The following SPINK5 variants were observed in gnomAD, a reference collection of about 807,000 sequenced individuals.
The protein encoded by SPINK5 is serine peptidase inhibitor Kazal type 5, also known as serine protease inhibitor Kazal-type 5.
In SPINK5, 125 loss-of-function variants were observed where a neutral mutation model predicts 151.8. That is an observed-to-expected ratio of 0.82 (90% CI 0.71 to 0.96). The LOEUF (loss-of-function observed/expected upper bound fraction) is 0.96, where lower values mean the gene tolerates loss of function less well. SPINK5 is among the 40% of genes least tolerant of loss of function. The probability of loss-of-function intolerance (pLI) is 0.00; values close to 1 mark genes in which losing one functional copy is unlikely to be tolerated. For synonymous variants in SPINK5, 374 were observed against 395.3 expected (o/e 0.95, Z 0.64); for missense variants, 1,194 against 1,291.9 (o/e 0.92, Z 1.16).
Position 148,112,671 on chromosome 5 carries a change from C to CA in SPINK5, c.1821-188dup, listed in dbSNP as rs199895847. Among the ~76,000 whole-genome samples, 11 of 125,272 alleles carry CA rather than the reference C, an allele frequency of 8.8e-5. No individual in the cohort carries two copies. In the East Asian group the frequency reaches 8.8e-4, roughly 10 times the overall value. The allele number at this position is 125,272 out of a possible 152,430, so 82.2% of individuals were successfully genotyped here. The stretch of plus-strand genomic sequence containing the variant: ...CTGGCAACAGAGTGAGACTCCATCT[C>CA]AAAAAAAAACCAAAAAACAAACAAA... On this transcript the variant is annotated intron_variant, in intron 19 of 32. Transcript: ENST00000256084.
chr5:148,064,196 G>A (rs1752517291), intron 1 of SPINK5, 97 bp downstream of exon 1: 14 of 1,235,118 alleles, frequency 1.1e-5, no homozygotes, highest in Admixed American at 1.7e-5. Context: ...AAATGTTTAC[G>A]TATGCATGTA....
In SPINK5 at chr5:148,105,887, G is replaced by A. The variant is rs1045254474; in HGVS notation, c.1479+887G>A. 3.3e-5 allele frequency among the ~76,000 whole-genome samples: 5 copies of A among 150,752 alleles called. No individual in the cohort carries two copies. In the Admixed American group the frequency reaches 3.3e-4, roughly 10 times the overall value. ...GATTCACTCACCTTGGCCTCCCAAA[G>A]TCCTGGGATTACAGGTGTGAGCCAC... On this transcript the variant is annotated intron_variant, in intron 16 of 32. Coordinates refer to ENST00000256084, the MANE Select transcript of SPINK5 (RefSeq NM_006846.4).
intron 7 of SPINK5, 44 bp downstream of exon 7, chr5:148,089,665 G>A: frequency 6.2e-7 from 1 of 1,610,552 alleles, no homozygotes; most frequent in Non-Finnish European, 8.5e-7. Context: ...TGATGCACTT[G>A]GTTGCTGTCC....
chr5:148,098,573 A>C (rs112909844), intron 11 of SPINK5, among the ~76,000 whole-genome samples: 2,046 of 152,054 alleles, frequency 0.013, 55 homozygotes, highest in African/African-American at 0.047. Flanking sequence ...CATATGGTTG[A>C]AATATCATCA....
chr5:148,094,395 G>A lies in SPINK5; in HGVS notation c.708G>A (p.Arg236=). ...ATGAAAAACAAGTGAGAAATGGAAG[G>A]CTTTTTTGTACACGGGAGAGTGATC... is the stretch of plus-strand genomic sequence containing the variant. ...KEYEKQVRNG[R]LFCTRESDPV... The change falls in exon 9 of 33, where the codon AGG becomes AGA. Residue 236 remains arginine, a synonymous_variant. Coordinates refer to ENST00000256084, the MANE Select transcript of SPINK5 (RefSeq NM_006846.4). 6.2e-7 allele frequency: 1 copy of A among 1,612,794 alleles called. No individual in the cohort carries two copies. The highest frequency in any genetic ancestry group is 8.5e-7 in the Non-Finnish European group (1 of 1,179,094).
chr5:148,077,655 A>G (rs1752919540), intron 4 of SPINK5, among the ~76,000 whole-genome samples: 1 of 148,102 alleles, frequency 6.8e-6, no homozygotes, highest in Non-Finnish European at 1.5e-5. Flanking sequence ...ATATATATAT[A>G]TATATGACAA....
chr5:148,079,993 C>T lies in SPINK5; in HGVS notation c.283-6412C>T, dbSNP rs1211757052. ...TGTCTTTAATTCCAAAACATGATAC[C>T]ATATATGAAAAGTTCTAGGGATCCA... On this transcript the variant is annotated intron_variant, in intron 4 of 32. Transcript: ENST00000256084. Among the ~76,000 whole-genome samples, 23 of 150,402 alleles carry T rather than the reference C, an allele frequency of 1.5e-4. 1 individual carries two copies. Among genetic ancestry groups the T allele is most frequent in the Admixed American group, 1.5e-3 (23 of 15,052 alleles).
intron 4 of SPINK5, among the ~76,000 whole-genome samples, chr5:148,079,129 T>C (rs1053084562): frequency 6.6e-6 from 1 of 150,976 alleles, no homozygotes; most frequent in Non-Finnish European, 1.5e-5. Context: ...AGGCTTATGA[T>C]GAATATTATG....
At chr5:148,107,250 TAGACCG>T in intron 17 of SPINK5, 86 bp downstream of exon 17, 2 of 1,551,292 alleles carry the variant, frequency 1.3e-6, no homozygotes, top group Non-Finnish European at 1.8e-6. Context: ...GTGTAGAGTA[TAGACCG>T]TGAGTTATAT....
At chr5:148,076,072 A>G (rs1026029373) in intron 4 of SPINK5, among the ~76,000 whole-genome samples, 10 of 151,808 alleles carry the variant, frequency 6.6e-5, no homozygotes, top group Non-Finnish European at 1.2e-4. Context: ...AGCTGCGCAT[A>G]TCCGCTTAAT....
intron 2 of SPINK5, among the ~76,000 whole-genome samples, chr5:148,068,791 G>A (rs1752658372): frequency 1.3e-5 from 2 of 151,974 alleles, no homozygotes; most frequent in Admixed American, 1.3e-4. Context: ...AGATTCCAAA[G>A]GCCTATTCTA....
rs541290945 is a variant in SPINK5, at chr5:148,094,206, G to A, written c.667-148G>A. 1.9e-4 allele frequency: 150 copies of A among 799,018 alleles called. No individual in the cohort carries two copies. In the African/African-American group the frequency reaches 2.5e-3, roughly 13 times the overall value. The allele number at this position is 799,018 out of a possible 1,614,324, so 49.5% of individuals were successfully genotyped here. ...ATTTAGTTAGGAAGCTGAGGTGGAA[G>A]GATCTCTGAGCCTAGAGGTTAGAGG... On this transcript the variant is annotated intron_variant, in intron 8 of 32. Coordinates refer to ENST00000256084, the MANE Select transcript of SPINK5 (RefSeq NM_006846.4).
chr5:148,133,750 T>G (rs769314259), intron 31 of SPINK5, 47 bp from the exon 32 acceptor site: 1 of 1,590,568 alleles, frequency 6.3e-7, no homozygotes, highest in Non-Finnish European at 8.6e-7. Flanking sequence ...TTTCTTATTA[T>G]AACTGAGAAC....
intron 2 of SPINK5, 96 bp from the exon 3 acceptor site, chr5:148,070,227 A>G: frequency 7.0e-7 from 1 of 1,421,076 alleles, no homozygotes; most frequent in Non-Finnish European, 9.7e-7. Context: ...GTGTGTATAT[A>G]TATGCAGACA....
In SPINK5 at chr5:148,100,710, C is replaced by A. The variant is rs565304904; in HGVS notation, c.1220+129C>A. On this transcript the variant is annotated intron_variant, in intron 13 of 32. Coordinates refer to ENST00000256084, the MANE Select transcript of SPINK5 (RefSeq NM_006846.4). ...ATTAAGGCATATTTAGAGAAACTGT[C>A]TGATTGGAGACATGTATTTGAAAAT... 4.2e-5 allele frequency: 43 copies of A among 1,034,272 alleles called. No homozygotes were observed. In the African/African-American group the frequency reaches 5.6e-4, roughly 14 times the overall value. The allele number at this position is 1,034,272 out of a possible 1,614,324, so 64.1% of individuals were successfully genotyped here.
intron 7 of SPINK5, 186 bp from the exon 8 acceptor site, chr5:148,090,979 T>G: frequency 3.4e-6 from 2 of 594,212 alleles, no homozygotes; most frequent in Non-Finnish European, 6.0e-6. Context: ...ATTGCCGTCT[T>G]TCTTTCTTTC....
At chr5:148,120,790 T>A (rs1754237034) in intron 26 of SPINK5, among the ~76,000 whole-genome samples, 1 of 152,016 alleles carries the variant, frequency 6.6e-6, no homozygotes, top group Admixed American at 6.6e-5. Flanking sequence ...CTGAATTTTT[T>A]AAACAAATAA....
chr5:148,124,573 C>T (rs1473028413), intron 27 of SPINK5, among the ~76,000 whole-genome samples, 192 bp from the exon 28 acceptor site: 1 of 151,962 alleles, frequency 6.6e-6, no homozygotes, highest in Non-Finnish European at 1.5e-5. Context: ...AGCATTGCCA[C>T]AAATATATTA....
At chr5:148,095,752 A>G (rs1016617843) in intron 9 of SPINK5, 66 bp from the exon 10 acceptor site, 2 of 1,353,906 alleles carry the variant, frequency 1.5e-6, no homozygotes, top group South Asian at 2.3e-5. Context: ...TTCCATCTAT[A>G]CCTAATGACT....
Sources: gnomAD v4.1 joint callset for allele counts (sites outside exome capture counted in the v4.1 genomes callset) on GRCh38, gnomAD v4.1.1 for gene constraint, MANE v1.5 for transcripts, NCBI Gene and HGNC (gene_info 2026-07-23, HGNC 2026-07-21) for gene names.